ME1: variants seen among roughly 807,000 people sequenced by gnomAD.
The protein encoded by ME1 is NADP-dependent malic enzyme.
In ME1, 74 loss-of-function variants were observed where a neutral mutation model predicts 66.4. The observed-to-expected ratio is 1.11, with a 90% CI of 0.92 to 1.35. The LOEUF is 1.35. Ranked by LOEUF, ME1 falls within the 40% of genes most tolerant of loss-of-function variation. The probability of loss-of-function intolerance (pLI) is 0.00; values close to 1 mark genes in which losing one functional copy is unlikely to be tolerated. For synonymous variants in ME1, 251 were observed against 235.6 expected (o/e 1.07, Z -0.60); for missense variants, 750 against 694.1 (o/e 1.08, Z -0.90).
At chr6:83,212,185 C>T in intron 13 of ME1, 91 bp from the exon 14 acceptor site, 1 of 854,894 alleles carries the variant, frequency 1.2e-6, no homozygotes. Flanking sequence ...TTCAAAAACA[C>T]TGTATCCTAT....
intron 6 of ME1, among the ~76,000 whole-genome samples, chr6:83,268,600 T>TA (rs1453662234): frequency 2.0e-5 from 3 of 151,892 alleles, no homozygotes; most frequent in African/African-American, 7.3e-5. Context: ...GAGTCTCACT[T>TA]TGTCACCCAG....
chr6:83,395,938 C>CA (rs1554162312), intron 3 of ME1, among the ~76,000 whole-genome samples: 18 of 151,848 alleles, frequency 1.2e-4, no homozygotes. Context: ...TAAACTCCAA[C>CA]AAAAAACTGT....
intron 5 of ME1, among the ~76,000 whole-genome samples, chr6:83,341,457 G>C (rs1768583957): frequency 1.5e-5 from 2 of 133,862 alleles, no homozygotes; most frequent in Admixed American, 8.6e-5. Context: ...AGAAATGAGG[G>C]CAGTCTTGAA....
chr6:83,246,201 G>T (rs1002608640), intron 7 of ME1, among the ~76,000 whole-genome samples: 1 of 152,092 alleles, frequency 6.6e-6, no homozygotes, highest in Non-Finnish European at 1.5e-5. Flanking sequence ...AAGTTATCTT[G>T]CTAATGAAAG....
chr6:83,356,791 C>T lies in ME1; in HGVS notation c.363-4652G>A, dbSNP rs190792549. On this transcript the variant is annotated intron_variant, in intron 3 of 13. Coordinates refer to ENST00000369705, the MANE Select transcript of ME1 (RefSeq NM_002395.6). Reference sequence around the variant, plus strand: ...ATGATTTAAATAGCCAACATGATGCCGCATCACTACCAAATGATGTAATGC... The same window carrying T: ...ATGATTTAAATAGCCAACATGATGCTGCATCACTACCAAATGATGTAATGC... Among the ~76,000 whole-genome samples the T allele has an allele frequency of 2.6e-3, 397 of 152,100 alleles. 1 individual carries two copies. Among genetic ancestry groups the T allele is most frequent in the Non-Finnish European group, 3.3e-3 (224 of 67,980 alleles).
chr6:83,236,096 T>A (rs1339076839), intron 9 of ME1, among the ~76,000 whole-genome samples: 2 of 152,092 alleles, frequency 1.3e-5, no homozygotes, highest in Non-Finnish European at 2.9e-5. Context: ...AACATTATAT[T>A]ATGAATCCTT....
intron 4 of ME1, among the ~76,000 whole-genome samples, chr6:83,348,984 C>CAAAAAAAAAAAAAAA (rs71545855): frequency 4.2e-5 from 2 of 47,206 alleles, no homozygotes; most frequent in African/African-American, 1.6e-4. Flanking sequence ...AACTCTGTCT[C>CAAAAAAAAAAAAAAA]AAAAAAAAAA....
chr6:83,255,944 T>C (rs1381903354), intron 6 of ME1, among the ~76,000 whole-genome samples: 2 of 152,186 alleles, frequency 1.3e-5, no homozygotes, highest in Non-Finnish European at 2.9e-5. Flanking sequence ...TTAGTCTTAC[T>C]AATCTATCAA....
At chr6:83,376,804 C>CAAACAAAAAAAAAAAAAAAAAAA (rs1769300348) in intron 3 of ME1, among the ~76,000 whole-genome samples, 1 of 87,124 alleles carries the variant, frequency 1.1e-5, no homozygotes. Flanking sequence ...CCCTGTCTCA[C>CAAACAAAAAAAAAAAAAAAAAAA]AAAAAAAAAA....
At chr6:83,240,481 A>G (rs1430569789) in intron 7 of ME1, among the ~76,000 whole-genome samples, 2 of 152,156 alleles carry the variant, frequency 1.3e-5, no homozygotes, top group Non-Finnish European at 2.9e-5. Context: ...TTACTTTACC[A>G]TATAAGCATT....
rs367673348 is a variant in ME1 at position 83,398,376 on chromosome 6, C to T, written c.353G>A (p.Arg118Gln). 2.3e-4 allele frequency: 361 copies of T among 1,573,060 alleles called. 1 individual carries two copies. The highest frequency in any genetic ancestry group is 4.7e-4 in the East Asian group (20 of 42,760). Residue 118 changes from arginine to glutamine, a missense_variant, in exon 3 of 14, where the codon CGG becomes CAG. Physicochemically the swap from Arg to Gln is conservative, Grantham distance 43. Transcript: ENST00000369705. Reference sequence around the variant, plus strand: ...ATAAAAGTTGACATACCTTGGCTTCCGAAACACCAAACTATATTGTTGGCA... The same window carrying T: ...ATAAAAGTTGACATACCTTGGCTTCTGAAACACCAAACTATATTGTTGGCA... The part of the protein sequence containing the change: ...LACQQYSLVF[R>Q]KPRGLFITIH...
At chr6:83,298,931 GTTTTTTTTTTTTTTTTTT>G (rs61055748) in intron 6 of ME1, among the ~76,000 whole-genome samples, 64 of 22,494 alleles carry the variant, frequency 2.8e-3, no homozygotes, top group African/African-American at 6.8e-3. Flanking sequence ...CTATGTGTCT[GTTTTTTTTTTTTTTTTTT>G]TTTTTTTTTT....
chr6:83,215,624 TAAGAG>T (rs1789975294), intron 13 of ME1, among the ~76,000 whole-genome samples: 1 of 152,106 alleles, frequency 6.6e-6, no homozygotes, highest in Admixed American at 6.6e-5. Flanking sequence ...TAGGTGTCCT[TAAGAG>T]AAGAGGAAAT....
intron 3 of ME1, among the ~76,000 whole-genome samples, chr6:83,374,670 CATGCCT>C (rs1214881516): frequency 1.3e-5 from 2 of 152,180 alleles, no homozygotes; most frequent in African/African-American, 4.8e-5. Flanking sequence ...AATCTTTGCA[CATGCCT>C]ATGTCCTGAA....
At chr6:83,298,771 G>C (rs1039870344) in intron 6 of ME1, among the ~76,000 whole-genome samples, 1 of 151,652 alleles carries the variant, frequency 6.6e-6, no homozygotes, top group African/African-American at 2.4e-5. Flanking sequence ...TCCAGTTTCA[G>C]TTTTCTGCAT....
intron 3 of ME1, among the ~76,000 whole-genome samples, chr6:83,386,239 G>C (rs1351239792): frequency 6.6e-6 from 1 of 151,792 alleles, no homozygotes; most frequent in African/African-American, 2.4e-5. Context: ...TTAAAAGCTA[G>C]TTGCCCTCTT....
intron 5 of ME1, among the ~76,000 whole-genome samples, chr6:83,331,850 C>A (rs1376400802): frequency 2.0e-5 from 3 of 152,068 alleles, no homozygotes; most frequent in African/African-American, 7.2e-5. Flanking sequence ...TGAAAAGGTT[C>A]TTTAAGACAT....
chr6:83,359,183 T>G (rs778590137), intron 3 of ME1, among the ~76,000 whole-genome samples: 1 of 151,764 alleles, frequency 6.6e-6, no homozygotes. Context: ...GAGGCACTCT[T>G]CACATCCCAG....
At chr6:83,403,234 T>A (rs1447498068) in intron 2 of ME1, among the ~76,000 whole-genome samples, 1 of 152,192 alleles carries the variant, frequency 6.6e-6, no homozygotes, top group African/African-American at 2.4e-5. Context: ...TATTCAAAGA[T>A]TAAGTATGAT....
Sources: allele counts gnomAD v4.1 joint callset (sites outside exome capture counted in the v4.1 genomes callset), GRCh38; gene constraint gnomAD v4.1.1; transcripts MANE v1.5; gene names NCBI Gene and HGNC (gene_info 2026-07-23, HGNC 2026-07-21).